The following DDR2 variants were observed in gnomAD, a reference collection of about 807,000 sequenced individuals.
The protein encoded by DDR2 is discoidin domain receptor tyrosine kinase 2, also known as discoidin domain-containing receptor 2.
Under a neutral mutation model 94.9 loss-of-function variants are expected in DDR2, and 27 were observed. The ratio of observed to expected loss-of-function variants is 0.28; its 90% confidence interval spans 0.21 to 0.39. The LOEUF is 0.39. Among genes scored for constraint, DDR2 ranks in the 10% least tolerant of loss-of-function variants. The pLI is 1.00. For missense variants in DDR2, 783 were observed against 1,076.0 expected (o/e 0.73, Z 3.81); for synonymous variants, 382 against 377.2 (o/e 1.01, Z -0.15).
At chr1:162,634,918 C>T (rs73016517) in intron 1 of DDR2, among the ~76,000 whole-genome samples, 6,353 of 152,272 alleles carry the variant, frequency 0.042, 435 homozygotes, top group African/African-American at 0.14. Flanking sequence ...TCATCCTTTC[C>T]CTGGCATTCC....
intron 3 of DDR2, among the ~76,000 whole-genome samples, chr1:162,729,294 ATATATATTTT>A (rs1278932685): frequency 0.011 from 321 of 30,022 alleles, no homozygotes; most frequent in Middle Eastern, 0.02. Flanking sequence ...ATATATATAT[ATATATATTTT>A]TTTTTTTTTT....
At chr1:162,689,841 TTAAAAAAAAAAA>T (rs1353054725) in intron 2 of DDR2, among the ~76,000 whole-genome samples, 1 of 14,686 alleles carries the variant, frequency 6.8e-5, no homozygotes, top group African/African-American at 1.5e-4. Flanking sequence ...CCATCTCTAC[TTAAAAAAAAAAA>T]AAAAAAAAAA....
chr1:162,772,681 G>C (rs1442336524), intron 13 of DDR2, among the ~76,000 whole-genome samples: 1 of 152,036 alleles, frequency 6.6e-6, no homozygotes, highest in African/African-American at 2.4e-5. Flanking sequence ...CCCTGCCTTT[G>C]GTCCCAGAAT....
At chr1:162,746,259 C>A (rs1662856889) in intron 3 of DDR2, among the ~76,000 whole-genome samples, 1 of 152,194 alleles carries the variant, frequency 6.6e-6, no homozygotes, top group Admixed American at 6.5e-5. Context: ...AAAATCGGGA[C>A]ACTCCCAGCC....
intron 2 of DDR2, among the ~76,000 whole-genome samples, chr1:162,661,734 G>A (rs1658304336): frequency 6.6e-6 from 1 of 152,224 alleles, no homozygotes. Context: ...TGCTCTGCAA[G>A]TCTTGGAGAT....
intron 4 of DDR2, 141 bp downstream of exon 4, chr1:162,753,338 C>T (rs1184096580): frequency 1.4e-6 from 1 of 740,320 alleles, no homozygotes; most frequent in Non-Finnish European, 2.4e-6. Flanking sequence ...GCAAGTGGGC[C>T]TGTCCTGCTC....
chr1:162,686,822 C>T (rs1448548945), intron 2 of DDR2, among the ~76,000 whole-genome samples: 3 of 152,228 alleles, frequency 2.0e-5, no homozygotes, highest in African/African-American at 7.2e-5. Flanking sequence ...AGGTTATCTG[C>T]CCGCCTTGGC....
chr1:162,640,081 G>A (rs561098170), intron 1 of DDR2, among the ~76,000 whole-genome samples: 5 of 150,618 alleles, frequency 3.3e-5, no homozygotes, highest in African/African-American at 1.2e-4. Flanking sequence ...TTGCTCTGTC[G>A]CCCAGGCTGG....
At position 162,725,534 on chromosome 1, in the gene DDR2, A is replaced by G. The variant is rs73024598; in HGVS notation, c.82+6389A>G. On this transcript the variant is annotated intron_variant, in intron 3 of 17. Coordinates refer to ENST00000367921, the MANE Select transcript of DDR2 (RefSeq NM_006182.4). ...GCTGGGACTACAGGCATGCGCCACCACACCCAACTAGTTTGGGTACTTTTT... is the reference window on the plus strand; with the variant it reads ...GCTGGGACTACAGGCATGCGCCACCGCACCCAACTAGTTTGGGTACTTTTT... Among the ~76,000 whole-genome samples, 745 of 152,260 alleles carry G rather than the reference A, an allele frequency of 4.9e-3. 7 individuals are homozygous for G. The highest frequency in any genetic ancestry group is 0.034 in the East Asian group (178 of 5,182).
At chr1:162,640,746 A>T (rs1400050863) in intron 1 of DDR2, among the ~76,000 whole-genome samples, 1 of 152,184 alleles carries the variant, frequency 6.6e-6, no homozygotes, top group Non-Finnish European at 1.5e-5. Context: ...AATGTTTCAA[A>T]ATCTTGAAAA....
At chr1:162,674,846 A>G (rs957296591) in intron 2 of DDR2, among the ~76,000 whole-genome samples, 1 of 152,164 alleles carries the variant, frequency 6.6e-6, no homozygotes, top group Non-Finnish European at 1.5e-5. Context: ...CTAAATTTTC[A>G]TGATTTGGAT....
At chr1:162,747,791 T>C (rs980364651) in intron 3 of DDR2, among the ~76,000 whole-genome samples, 1 of 152,188 alleles carries the variant, frequency 6.6e-6, no homozygotes, top group Admixed American at 6.5e-5. Flanking sequence ...ATCAGCCTAA[T>C]AGCGGATCTC....
At chr1:162,775,188 G>A (rs950619043) in intron 14 of DDR2, among the ~76,000 whole-genome samples, 1 of 151,394 alleles carries the variant, frequency 6.6e-6, no homozygotes, top group African/African-American at 2.4e-5. Flanking sequence ...AGAGTAATCA[G>A]ATAAGCCAAA....
In DDR2 at chr1:162,780,765, G is replaced by A. The variant is rs1041485655; in HGVS notation, c.*519G>A. 1.9e-5 allele frequency: 3 copies of A among 159,560 alleles called. No homozygotes were observed. Among genetic ancestry groups the A allele is most frequent in the African/African-American group, 7.2e-5 (3 of 41,422 alleles). 9.9% of individuals were successfully genotyped at this position (159,560 alleles called of 1,614,324 possible). A position where few individuals can be genotyped will look rare whatever the true frequency, so the allele number is the denominator to read the frequency against. ...AGGTGGTTTTCTAATTTGGCCTCTG[G>A]ACATGTCTCACTGTTTGTATTTCTC... On this transcript the variant is annotated 3_prime_UTR_variant, in exon 18 of 18. Transcript: ENST00000367921.
chr1:162,636,916 T>C (rs903906357), intron 1 of DDR2, among the ~76,000 whole-genome samples: 2 of 152,130 alleles, frequency 1.3e-5, no homozygotes, highest in African/African-American at 4.8e-5. Flanking sequence ...CATGAAACAA[T>C]ACAAATCTCA....
intron 3 of DDR2, among the ~76,000 whole-genome samples, chr1:162,737,281 T>C (rs1662354268): frequency 6.7e-6 from 1 of 148,742 alleles, no homozygotes; most frequent in Non-Finnish European, 1.5e-5. Context: ...TAGCATTAGG[T>C]ATCTCTCCCA....
intron 11 of DDR2, among the ~76,000 whole-genome samples, chr1:162,769,342 C>A (rs1379321227): frequency 5.3e-5 from 8 of 152,208 alleles, no homozygotes; most frequent in Admixed American, 5.2e-4. Flanking sequence ...ATTAAGTACA[C>A]ACATACATTC....
At chr1:162,631,215 TGTGTGTGTGTGC>T (rs1415910383), upstream of DDR2, among the ~76,000 whole-genome samples, 2 of 147,312 alleles carry the variant, frequency 1.4e-5, no homozygotes, top group Non-Finnish European at 3.0e-5. Flanking sequence ...TGTGTGTGTG[TGTGTGTGTGTGC>T]GCTTTTCCAT....
chr1:162,640,490 C>T (rs1657076332), intron 1 of DDR2, among the ~76,000 whole-genome samples: 1 of 152,114 alleles, frequency 6.6e-6, no homozygotes, highest in Admixed American at 6.6e-5. Context: ...GTACTTTCTG[C>T]TTAATTTTGC....
Sources: allele counts gnomAD v4.1 joint callset (sites outside exome capture counted in the v4.1 genomes callset), GRCh38; gene constraint gnomAD v4.1.1; transcripts MANE v1.5; gene names NCBI Gene and HGNC (gene_info 2026-07-23, HGNC 2026-07-21).